The following ROBO2 variants were observed in gnomAD, a reference collection of about 807,000 sequenced individuals.
The protein encoded by ROBO2 is roundabout guidance receptor 2, also known as roundabout homolog 2.
Under a neutral mutation model 160.8 loss-of-function variants are expected in ROBO2, and 53 were observed. The ratio of observed to expected loss-of-function variants is 0.33; its 90% CI spans 0.26 to 0.41. The LOEUF is 0.41. Ranked by LOEUF, ROBO2 falls within the 10% of genes least tolerant of loss-of-function variation. The pLI is 1.00. For synonymous variants in ROBO2, 664 were observed against 611.7 expected, an observed-to-expected ratio of 1.09 and a Z score of -1.26; for missense variants, 1,577 against 1,722.4, an observed-to-expected ratio of 0.92 and a Z score of 1.49.
intron 2 of ROBO2, among the ~76,000 whole-genome samples, chr3:76,654,929 T>TATA (rs5850279): frequency 0.062 from 8,715 of 141,176 alleles, 563 homozygotes; most frequent in African/African-American, 0.16. Flanking sequence ...ATATATATAT[T>TATA]TATATATATA....
intron 2 of ROBO2, among the ~76,000 whole-genome samples, chr3:77,450,201 AGTT>A (rs1185253589): frequency 6.6e-6 from 1 of 152,158 alleles, no homozygotes; most frequent in Non-Finnish European, 1.5e-5. Flanking sequence ...TTGAGAATCC[AGTT>A]GTTAGAATAT....
intron 2 of ROBO2, among the ~76,000 whole-genome samples, chr3:76,145,484 C>G (rs1414440357): frequency 6.6e-6 from 1 of 151,968 alleles, no homozygotes; most frequent in Non-Finnish European, 1.5e-5. Context: ...CTATTCTCCA[C>G]TTTGTCTTGA....
chr3:77,235,355 AT>A (rs35778905), intron 2 of ROBO2, among the ~76,000 whole-genome samples: 290 of 143,624 alleles, frequency 2.0e-3, no homozygotes, highest in Middle Eastern at 3.6e-3. Context: ...AGAGGAGAAT[AT>A]TTTTTTTTTT....
At chr3:77,344,716 A>T (rs2067443469) in intron 2 of ROBO2, among the ~76,000 whole-genome samples, 1 of 152,084 alleles carries the variant, frequency 6.6e-6, no homozygotes, top group East Asian at 1.9e-4. Context: ...AAATAGTAAG[A>T]TCAGCAGTGG....
intron 2 of ROBO2, among the ~76,000 whole-genome samples, chr3:77,273,683 C>T (rs1052604120): frequency 3.3e-5 from 5 of 152,116 alleles, no homozygotes; most frequent in African/African-American, 1.2e-4. Context: ...AGAAGACAGA[C>T]TCAAATGACT....
chr3:77,110,441 A>G (rs2073422693), intron 2 of ROBO2, among the ~76,000 whole-genome samples: 1 of 151,970 alleles, frequency 6.6e-6, no homozygotes. Flanking sequence ...GGTCTATTTG[A>G]CTTTCAAATT....
chr3:76,295,559 T>TG (rs1184188374), intron 2 of ROBO2, among the ~76,000 whole-genome samples: 1 of 152,204 alleles, frequency 6.6e-6, no homozygotes, highest in Non-Finnish European at 1.5e-5. Context: ...CTGTTCTTTA[T>TG]GGCTCGACCT....
intron 1 of ROBO2, among the ~76,000 whole-genome samples, chr3:77,043,820 T>C (rs1487372277): frequency 1.3e-5 from 2 of 152,124 alleles, no homozygotes; most frequent in Non-Finnish European, 2.9e-5. Context: ...AAAATGAGAA[T>C]GTTTTTCTCA....
At chr3:76,047,303 A>T (rs2067483707) in intron 2 of ROBO2, among the ~76,000 whole-genome samples, 1 of 152,216 alleles carries the variant, frequency 6.6e-6, no homozygotes, top group African/African-American at 2.4e-5. Context: ...AAATAGGGAG[A>T]GAGGAGATGA....
intron 2 of ROBO2, among the ~76,000 whole-genome samples, chr3:76,495,850 A>G (rs2080119678): frequency 6.6e-6 from 1 of 152,210 alleles, no homozygotes; most frequent in South Asian, 2.1e-4. Context: ...TAGAAAAGTG[A>G]TGGACATTTC....
chr3:76,959,454 G>C (rs571632417), intron 2 of ROBO2, among the ~76,000 whole-genome samples: 1 of 152,160 alleles, frequency 6.6e-6, no homozygotes, highest in Non-Finnish European at 1.5e-5. Context: ...ACCCATTGTA[G>C]AGGGCCAATT....
intron 2 of ROBO2, among the ~76,000 whole-genome samples, chr3:76,389,298 T>TG (rs2077037764): frequency 6.6e-6 from 1 of 152,218 alleles, no homozygotes; most frequent in African/African-American, 2.4e-5. Context: ...AGCAGAAAAG[T>TG]TATCCACTAT....
chr3:76,435,091 A>G, intron 2 of ROBO2: 2 of 1,025,074 alleles, frequency 2.0e-6, no homozygotes, highest in Non-Finnish European at 3.1e-6. Context: ...TTGCAAATCA[A>G]GGGCAAAATG....
intron 2 of ROBO2, among the ~76,000 whole-genome samples, chr3:76,902,733 A>C (rs948749919): frequency 6.6e-6 from 1 of 151,226 alleles, no homozygotes; most frequent in African/African-American, 2.5e-5. Context: ...TTACTTGACC[A>C]CTATCCAATT....
At position 76,906,606 on chromosome 3, in the gene ROBO2, T is replaced by C. The variant is rs570701263; in HGVS notation, c.110-191408T>C. Reference sequence around the variant, plus strand: ...AATAACACTGTAATAGATGCTGTTGTTGTTATCCAGTTTACAGATGATGAA... The same window carrying C: ...AATAACACTGTAATAGATGCTGTTGCTGTTATCCAGTTTACAGATGATGAA... On this transcript the variant is annotated intron_variant, in intron 2 of 26. Coordinates refer to the ROBO2 transcript ENST00000487694. Among the ~76,000 whole-genome samples, 6 of 152,216 alleles carry C rather than the reference T, an allele frequency of 3.9e-5. No homozygotes were observed. The South Asian group carries it at 1.2e-3, about 32-fold the overall frequency.
At chr3:77,624,924 T>C (rs2153708131) in intron 23 of ROBO2, among the ~76,000 whole-genome samples, 1 of 152,280 alleles carries the variant, frequency 6.6e-6, no homozygotes, top group African/African-American at 2.4e-5. Context: ...ATTAGTTCAA[T>C]AACAACACTG....
chr3:77,429,421 C>A (rs947727190), intron 2 of ROBO2, among the ~76,000 whole-genome samples: 2 of 151,974 alleles, frequency 1.3e-5, no homozygotes, highest in African/African-American at 4.8e-5. Context: ...GATATTTCTC[C>A]CCTTCCTCAG....
At chr3:77,556,420 A>T (rs2153657566) in intron 8 of ROBO2, among the ~76,000 whole-genome samples, 1 of 151,986 alleles carries the variant, frequency 6.6e-6, no homozygotes, top group South Asian at 2.1e-4. Flanking sequence ...TATCACTGAT[A>T]AAATAGGTTT....
At chr3:76,384,901 T>A (rs192711061) in intron 2 of ROBO2, among the ~76,000 whole-genome samples, 70 of 152,306 alleles carry the variant, frequency 4.6e-4, no homozygotes, top group African/African-American at 1.7e-3. Flanking sequence ...AGCCAAACCC[T>A]ACCAGTGCAT....
Sources: allele counts gnomAD v4.1 joint callset (sites outside exome capture counted in the v4.1 genomes callset), GRCh38; gene constraint gnomAD v4.1.1; transcripts MANE v1.5; gene names NCBI Gene and HGNC (gene_info 2026-07-23, HGNC 2026-07-21).